Variants in HDAC8 observed in about 807,000 individuals in gnomAD.
HDAC8 encodes histone deacetylase 8.
In HDAC8, 1 loss-of-function variant was observed where a neutral mutation model predicts 32.2. The ratio of observed to expected loss-of-function variants is 0.03; its 90% CI spans 0.01 to 0.15. The LOEUF (loss-of-function observed/expected upper bound fraction) is 0.15. Ranked by LOEUF, HDAC8 falls within the 10% of genes least tolerant of loss-of-function variation. The pLI is 1.00. For synonymous variants in HDAC8, 108 were observed against 113.9 expected, an observed-to-expected ratio of 0.95 and a Z score of 0.33; for missense variants, 117 against 300.0, an observed-to-expected ratio of 0.39 and a Z score of 4.51.
chrX:72,475,567 A>G (rs2148075675), intron 7 of HDAC8, among the ~76,000 whole-genome samples: 1 of 111,871 alleles, frequency 8.9e-6, no homozygotes, highest in Non-Finnish European at 1.9e-5. Context: ...TGACTTCTGA[A>G]TATCTATTAC....
chrX:72,450,464 G>GT (rs1175019606), intron 9 of HDAC8, among the ~76,000 whole-genome samples: 3 of 111,956 alleles, frequency 2.7e-5, no homozygotes, highest in Non-Finnish European at 5.6e-5. Flanking sequence ...CAATTTCCTG[G>GT]TTTTTTTACT....
chrX:72,396,598 G>C (rs781784065), intron 9 of HDAC8, among the ~76,000 whole-genome samples: 11 of 111,992 alleles, frequency 9.8e-5, no homozygotes, highest in Middle Eastern at 4.6e-3. Flanking sequence ...ATATCCTTCA[G>C]GGCTGTGGGG....
At chrX:72,409,597 T>TAA (rs1200655907) in intron 9 of HDAC8, among the ~76,000 whole-genome samples, 1 of 112,771 alleles carries the variant, frequency 8.9e-6, no homozygotes, top group Non-Finnish European at 1.9e-5. Context: ...TACTTTTATA[T>TAA]AACAACGGGT....
chrX:72,379,259 C>A, intron 9 of HDAC8, among the ~76,000 whole-genome samples: 1 of 111,168 alleles, frequency 9.0e-6, no homozygotes, highest in East Asian at 2.8e-4. Flanking sequence ...ATTTAAAATA[C>A]CTAATTTAAA....
At chrX:72,342,451 GA>G (rs2043911120) in intron 10 of HDAC8, among the ~76,000 whole-genome samples, 1 of 112,623 alleles carries the variant, frequency 8.9e-6, no homozygotes, top group South Asian at 3.7e-4. Context: ...GACAGCACCT[GA>G]ATCTCAGTTG....
At chrX:72,344,721 C>T (rs5912126) in intron 10 of HDAC8, among the ~76,000 whole-genome samples, 55,788 of 109,975 alleles carry the variant, frequency 0.51, 13,237 homozygotes, top group Non-Finnish European at 0.73. Flanking sequence ...GTCACCTTTA[C>T]TTCTTCCTTT....
chrX:72,517,956 T>C (rs1556026251), intron 4 of HDAC8, among the ~76,000 whole-genome samples: 1 of 111,967 alleles, frequency 8.9e-6, no homozygotes, highest in East Asian at 2.8e-4. Flanking sequence ...TTGTGTTGAA[T>C]CTTTAGGTCA....
chrX:72,515,587 T>TGGGGGGGGGGG (rs61675419), intron 4 of HDAC8, among the ~76,000 whole-genome samples: 36 of 33,712 alleles, frequency 1.1e-3, no homozygotes, highest in African/African-American at 1.2e-3. Flanking sequence ...TCAGTGTGTG[T>TGGGGGGGGGGG]GGGGGGGGGG....
At chrX:72,433,422 G>A (rs1281402076) in intron 9 of HDAC8, among the ~76,000 whole-genome samples, 6 of 112,108 alleles carry the variant, frequency 5.4e-5, no homozygotes, top group African/African-American at 1.9e-4. Flanking sequence ...ATAATAGAAT[G>A]GTCAAATATG....
intron 7 of HDAC8, among the ~76,000 whole-genome samples, chrX:72,479,394 T>C (rs2048432541): frequency 9.0e-6 from 1 of 111,462 alleles, no homozygotes. Flanking sequence ...TGGGGTTCTT[T>C]TCAGAGCAGA....
intron 5 of HDAC8, among the ~76,000 whole-genome samples, chrX:72,494,936 T>C (rs1332311175): frequency 9.0e-6 from 1 of 111,470 alleles, no homozygotes; most frequent in African/African-American, 3.3e-5. Context: ...TTCTAGAGGC[T>C]TGCTACAGGA....
At chrX:72,474,210 A>T in intron 7 of HDAC8, 1 of 748,778 alleles carries the variant, frequency 1.3e-6, no homozygotes, top group Non-Finnish European at 1.6e-6. Context: ...CTCTTTGAAT[A>T]CCCACAGCAT....
At chrX:72,470,924 G>A (rs1348826244) in intron 7 of HDAC8, among the ~76,000 whole-genome samples, 2 of 110,854 alleles carry the variant, frequency 1.8e-5, no homozygotes, top group African/African-American at 3.3e-5. Flanking sequence ...CATATTCAAA[G>A]AGTTGTGCAC....
intron 4 of HDAC8, among the ~76,000 whole-genome samples, chrX:72,510,379 G>A (rs1227211683): frequency 9.0e-6 from 1 of 111,713 alleles, no homozygotes. Flanking sequence ...CATTTGGCAC[G>A]ATAAACAGTC....
chrX:72,348,217 A>AT (rs1383559922), intron 10 of HDAC8, among the ~76,000 whole-genome samples: 8 of 112,173 alleles, frequency 7.1e-5, no homozygotes, highest in African/African-American at 2.6e-4. Flanking sequence ...GAATCCATTC[A>AT]TTCCCTCATT....
At chrX:72,332,315 AG>A (rs2043547486) in intron 10 of HDAC8, among the ~76,000 whole-genome samples, 1 of 112,455 alleles carries the variant, frequency 8.9e-6, no homozygotes, top group South Asian at 3.7e-4. Context: ...AATTGCTGGG[AG>A]GTATGGTAGT....
chrX:72,433,194 T>C (rs1322374750), intron 9 of HDAC8, among the ~76,000 whole-genome samples: 3 of 111,697 alleles, frequency 2.7e-5, no homozygotes, highest in East Asian at 5.6e-4. Flanking sequence ...TATCTGGCAA[T>C]GTCTGAAGAC....
chrX:72,516,752 C>G (rs1446292860), intron 4 of HDAC8, among the ~76,000 whole-genome samples: 1 of 111,993 alleles, frequency 8.9e-6, no homozygotes, highest in Non-Finnish European at 1.9e-5. Flanking sequence ...TCATTCATTA[C>G]AGTGGACATT....
chrX:72,517,325 A>T (rs1195761149), intron 4 of HDAC8, among the ~76,000 whole-genome samples: 1 of 112,081 alleles, frequency 8.9e-6, no homozygotes, highest in African/African-American at 3.2e-5. Flanking sequence ...TTCTGGACAC[A>T]TCTCTGATCA....
Sources: gnomAD v4.1 joint callset for allele counts (sites outside exome capture counted in the v4.1 genomes callset) on GRCh38, gnomAD v4.1.1 for gene constraint, MANE v1.5 for transcripts, NCBI Gene and HGNC (gene_info 2026-07-23, HGNC 2026-07-21) for gene names.